The following EPS8 variants were observed in gnomAD, a reference collection of about 807,000 sequenced individuals.
The protein encoded by EPS8 is epidermal growth factor receptor kinase substrate 8.
EPS8 carries 42 observed loss-of-function variants against 103.8 expected under a neutral mutation model. The ratio of observed to expected loss-of-function variants is 0.40; its 90% CI spans 0.32 to 0.52. The LOEUF (loss-of-function observed/expected upper bound fraction) is 0.52. Ranked by LOEUF, EPS8 falls within the 20% of genes least tolerant of loss-of-function variation. The pLI, the probability that EPS8 is intolerant of heterozygous loss-of-function variation, is 0.40. For missense variants in EPS8, 969 were observed against 1,005.1 expected (o/e 0.96, Z 0.49); for synonymous variants, 344 against 344.6 (o/e 1.00, Z 0.02).
chr12:15,770,331 A>G (rs974062002), intron 1 of EPS8, among the ~76,000 whole-genome samples: 4 of 151,756 alleles, frequency 2.6e-5, no homozygotes, highest in Non-Finnish European at 5.9e-5. Flanking sequence ...GGAAAAAGAA[A>G]GGAAGGGAAA....
At chr12:15,676,914 A>G (rs1323466991) in intron 3 of EPS8, among the ~76,000 whole-genome samples, 1 of 151,808 alleles carries the variant, frequency 6.6e-6, no homozygotes, top group African/African-American at 2.4e-5. Context: ...GAATAAATTA[A>G]TATGTCCTCA....
At chr12:15,746,043 C>T (rs1049388386) in intron 1 of EPS8, among the ~76,000 whole-genome samples, 1 of 152,050 alleles carries the variant, frequency 6.6e-6, no homozygotes, top group Non-Finnish European at 1.5e-5. Flanking sequence ...AAGCATCATA[C>T]GATTATATCA....
intron 2 of EPS8, among the ~76,000 whole-genome samples, chr12:15,682,017 A>T (rs1946017435): frequency 6.6e-6 from 1 of 152,140 alleles, no homozygotes; most frequent in Admixed American, 6.5e-5. Context: ...TGACATGTAA[A>T]ATCAAAGAAG....
chr12:15,673,236 T>C (rs1945846525), intron 3 of EPS8, among the ~76,000 whole-genome samples: 1 of 152,216 alleles, frequency 6.6e-6, no homozygotes, highest in Non-Finnish European at 1.5e-5. Flanking sequence ...AGCTGCTTTC[T>C]CTATGTTGTA....
chr12:15,633,223 A>T (rs1945079830), intron 17 of EPS8, among the ~76,000 whole-genome samples: 1 of 152,234 alleles, frequency 6.6e-6, no homozygotes, highest in South Asian at 2.1e-4. Context: ...CAATCTTCCT[A>T]TATTTGGGCC....
intron 3 of EPS8, 52 bp from the exon 4 acceptor site, chr12:15,670,975 C>A: frequency 7.5e-7 from 1 of 1,326,498 alleles, no homozygotes; most frequent in South Asian, 1.2e-5. Flanking sequence ...GACTGAAGTT[C>A]ATATGTTGGT....
At position 15,706,291 on chromosome 12, in the gene EPS8, C is replaced by T. The variant is rs1366006083; in HGVS notation, c.-21-23319G>A. ...AGGAGCCTGGCCTTGCCTTTTCCTGCGTGGAACCTGGGATTCAAAAGGCAA... is the reference window on the plus strand; with the variant it reads ...AGGAGCCTGGCCTTGCCTTTTCCTGTGTGGAACCTGGGATTCAAAAGGCAA... On this transcript the variant is annotated intron_variant, in intron 1 of 20. Coordinates refer to ENST00000281172, the MANE Select transcript of EPS8 (RefSeq NM_004447.6). The surrounding 1 kb of genome is among the most constrained non-coding windows in gnomAD (Gnocchi z 5.2). Among the ~76,000 whole-genome samples the T allele has an allele frequency of 6.6e-6, 1 of 152,210 alleles. No homozygotes were observed. The highest frequency in any genetic ancestry group is 1.5e-5 in the Non-Finnish European group (1 of 68,040).
rs763190908 is a variant in EPS8 at position 15,624,218 on chromosome 12, G to C, written c.2225+9C>G. ...CACAGAATTGCAAAGTATTCACAGA[G>C]AGACTCACACAGGGTTGAATCCCTT... is the stretch of plus-strand genomic sequence containing the variant. On this transcript the variant is annotated intron_variant, in intron 19 of 20. Coordinates refer to ENST00000281172, the MANE Select transcript of EPS8 (RefSeq NM_004447.6). 5 of 1,610,520 alleles carry C rather than the reference G, an allele frequency of 3.1e-6. No homozygotes were observed. Among genetic ancestry groups the C allele is most frequent in the South Asian group, 2.2e-5 (2 of 90,894 alleles).
intron 8 of EPS8, among the ~76,000 whole-genome samples, chr12:15,663,766 T>C (rs1413232151): frequency 2.0e-5 from 3 of 149,724 alleles, no homozygotes; most frequent in African/African-American, 7.4e-5. Context: ...CTACTAAAAA[T>C]ACAAAATTAG....
At chr12:15,657,425 A>G (rs1307499768) in intron 12 of EPS8, among the ~76,000 whole-genome samples, 1 of 151,924 alleles carries the variant, frequency 6.6e-6, no homozygotes, top group Non-Finnish European at 1.5e-5. Context: ...TCACTCCTCT[A>G]TTTTTCTGCA....
At chr12:15,679,185 T>C (rs1363154021) in intron 3 of EPS8, among the ~76,000 whole-genome samples, 1 of 152,166 alleles carries the variant, frequency 6.6e-6, no homozygotes, top group Non-Finnish European at 1.5e-5. Context: ...TTTCCATCCA[T>C]ATTCATCAAA....
intron 1 of EPS8, among the ~76,000 whole-genome samples, chr12:15,686,211 G>A (rs1193327359): frequency 6.6e-6 from 1 of 152,110 alleles, no homozygotes; most frequent in Non-Finnish European, 1.5e-5. Context: ...CATGAATAGT[G>A]AACATATTTT....
At chr12:15,754,124 T>C (rs991929989) in intron 1 of EPS8, among the ~76,000 whole-genome samples, 2 of 152,166 alleles carry the variant, frequency 1.3e-5, no homozygotes, top group African/African-American at 4.8e-5. Context: ...GTTCACAGTT[T>C]CACACCATTC....
chr12:15,659,728 T>A lies in EPS8; in HGVS notation c.937+886A>T, dbSNP rs137863446. Among the ~76,000 whole-genome samples the A allele has an allele frequency of 1.5e-3, 227 of 152,306 alleles. 3 individuals carry two copies. Among genetic ancestry groups the A allele is most frequent in the African/African-American group, 5.1e-3 (212 of 41,574 alleles). On this transcript the variant is annotated intron_variant, in intron 10 of 20. Coordinates refer to ENST00000281172, the MANE Select transcript of EPS8 (RefSeq NM_004447.6). ...TTACTATTTTATATCTTTCAATCTC[T>A]ACCATTTTGTCAGAGGAAGTATAAA...
Position 15,779,806 on chromosome 12 carries a change from G to A in EPS8, c.-22+9355C>T, listed in dbSNP as rs1357257212. ...TTATAGAACTCTGATCTCTTATCAA[G>A]CACATAATTCATTTAACAAGTTATT... On this transcript the variant is annotated intron_variant, in intron 1 of 20. Coordinates refer to ENST00000281172, the MANE Select transcript of EPS8 (RefSeq NM_004447.6). This position sits in a 1 kb window ranked among gnomAD's most constrained non-coding sequence, Gnocchi z 4.3. Among the ~76,000 whole-genome samples, 2 of 151,772 alleles carry A rather than the reference G, an allele frequency of 1.3e-5. No individual in the cohort carries two copies. The highest frequency in any genetic ancestry group is 1.3e-4 in the Admixed American group (2 of 15,246).
chr12:15,658,394 T>C, intron 11 of EPS8, 103 bp downstream of exon 11: 2 of 932,650 alleles, frequency 2.1e-6, no homozygotes, highest in East Asian at 2.5e-5. Flanking sequence ...CCACAAAATC[T>C]ATAAAAACAA....
Position 15,734,268 on chromosome 12 carries a change from C to T in EPS8, c.-21-51296G>A, listed in dbSNP as rs1332393147. ...GTTTAGTTTTGTTTTCTCTCCTCCT[C>T]AGCTGCTTCCTCCTCTTCCTTTTCT... On this transcript the variant is annotated intron_variant, in intron 1 of 20. Transcript: ENST00000281172. The surrounding 1 kb of genome is among the most constrained non-coding windows in gnomAD (Gnocchi z 4.1). Among the ~76,000 whole-genome samples the T allele has an allele frequency of 6.6e-6, 1 of 152,226 alleles. No homozygotes were observed. The highest frequency in any genetic ancestry group is 2.4e-5 in the African/African-American group (1 of 41,454).
At position 15,690,077 on chromosome 12, in the gene EPS8, G is replaced by A. The variant is rs961864082; in HGVS notation, c.-21-7105C>T. On this transcript the variant is annotated intron_variant, in intron 1 of 20. Transcript: ENST00000281172. The surrounding 1 kb of genome is among the most constrained non-coding windows in gnomAD (Gnocchi z 4.7). ...ATATTTAACCACCCTGTCACCACAT[G>A]ATTACCTTCCTCTGCATCACCTAGA... 3.9e-5 allele frequency among the ~76,000 whole-genome samples: 6 copies of A among 152,160 alleles called. No homozygotes were observed. The highest frequency in any genetic ancestry group is 7.4e-5 in the Non-Finnish European group (5 of 68,026).
At chr12:15,739,922 TG>T (rs1243590921) in intron 1 of EPS8, among the ~76,000 whole-genome samples, 1 of 152,192 alleles carries the variant, frequency 6.6e-6, no homozygotes, top group East Asian at 1.9e-4. Flanking sequence ...TAGTTTTTAA[TG>T]AGCTTTTAAA....
Sources: allele counts gnomAD v4.1 joint callset (sites outside exome capture counted in the v4.1 genomes callset), GRCh38; gene constraint gnomAD v4.1.1; non-coding constraint Gnocchi (gnomAD v3.1); transcripts MANE v1.5; gene names NCBI Gene and HGNC (gene_info 2026-07-23, HGNC 2026-07-21).